VWA8: variants seen among roughly 807,000 people sequenced by gnomAD.
The protein encoded by VWA8 is von Willebrand factor A domain-containing protein 8.
A neutral mutation model predicts 241.5 loss-of-function variants in VWA8; 221 were observed. The ratio of observed to expected loss-of-function variants is 0.91; its 90% CI spans 0.82 to 1.02. VWA8 has a LOEUF of 1.02. VWA8 is among the 50% of genes least tolerant of loss of function. VWA8 has a pLI of 0.00. For synonymous variants in VWA8, 852 were observed against 827.1 expected (o/e 1.03, Z -0.52); for missense variants, 2,322 against 2,328.7 (o/e 1.00, Z 0.06).
chr13:41,926,906 G>A, intron 2 of VWA8: 1 of 571,768 alleles, frequency 1.7e-6, no homozygotes, highest in Non-Finnish European at 3.5e-6. Context: ...CCACAGCCAG[G>A]CTCCTTGACA....
intron 43 of VWA8, among the ~76,000 whole-genome samples, chr13:41,573,486 A>AAATAAATAAATAAATAAATAAATATATAT: frequency 1.8e-5 from 2 of 113,614 alleles, no homozygotes; most frequent in African/African-American, 6.9e-5. Flanking sequence ...AAAAAAAAAA[A>AAATAAATAAATAAATAAATAAATATATAT]ATATATATAT....
Position 41,945,173 on chromosome 13 carries a change from T to C in VWA8, c.241+4763A>G, listed in dbSNP as rs74701420. ...CTCTCAGCAAAAGCCAAGAGACTTATTGATTCAAGGCATTAAAGAAATCTC... is the reference window on the plus strand; with the variant it reads ...CTCTCAGCAAAAGCCAAGAGACTTACTGATTCAAGGCATTAAAGAAATCTC... On this transcript the variant is annotated intron_variant, in intron 2 of 44. Transcript: ENST00000379310. Among the ~76,000 whole-genome samples, 663 of 152,240 alleles carry C rather than the reference T, an allele frequency of 4.4e-3. 3 individuals carry two copies. The highest frequency in any genetic ancestry group is 0.013 in the South Asian group (65 of 4,820).
intron 39 of VWA8, among the ~76,000 whole-genome samples, chr13:41,610,775 G>T (rs1465126139): frequency 6.6e-6 from 1 of 152,194 alleles, no homozygotes; most frequent in South Asian, 2.1e-4. Flanking sequence ...TGGTTCTTTG[G>T]TATTTTTCAC....
chr13:41,781,326 A>C (rs1868876214), intron 19 of VWA8, among the ~76,000 whole-genome samples: 1 of 152,130 alleles, frequency 6.6e-6, no homozygotes, highest in Non-Finnish European at 1.5e-5. Context: ...CTATTGTCTC[A>C]TATAACTAAG....
chr13:41,719,655 TAATC>T lies in VWA8; in HGVS notation c.3048_3051del (p.Ile1017ThrfsTer23), dbSNP rs776050399. ...GGTATCCCGTATTTGTGTAAAGTGT[TAATC>T]AATATCTCCCTCATGTCATTGTTGT... On this transcript the variant is annotated frameshift_variant, in exon 26 of 45. Coordinates refer to ENST00000379310, the MANE Select transcript of VWA8 (RefSeq NM_015058.2). LOFTEE classifies it high-confidence loss of function. 28 of 1,613,324 alleles carry T rather than the reference TAATC, an allele frequency of 1.7e-5. No homozygotes were observed. The highest frequency in any genetic ancestry group is 2.2e-5 in the Non-Finnish European group (26 of 1,179,492).
chr13:41,692,247 T>C (rs536436552), intron 30 of VWA8, among the ~76,000 whole-genome samples: 4 of 152,150 alleles, frequency 2.6e-5, no homozygotes, highest in East Asian at 1.9e-4. Flanking sequence ...AATAAACACA[T>C]GGGAAACACT....
chr13:41,790,765 T>A (rs1251061543), intron 17 of VWA8, among the ~76,000 whole-genome samples: 2 of 151,994 alleles, frequency 1.3e-5, no homozygotes, highest in East Asian at 3.8e-4. Flanking sequence ...TTCTTCCCTG[T>A]AGTTCCTCAG....
chr13:41,863,399 G>A (rs1223810623), intron 12 of VWA8, among the ~76,000 whole-genome samples: 49 of 20,514 alleles, frequency 2.4e-3, no homozygotes, highest in Non-Finnish European at 4.5e-3. Flanking sequence ...TCCTATTTGT[G>A]TGTGTGTGTG....
chr13:41,954,971 C>CT (rs1213174678), intron 1 of VWA8, among the ~76,000 whole-genome samples: 2 of 152,110 alleles, frequency 1.3e-5, no homozygotes, highest in Non-Finnish European at 2.9e-5. Flanking sequence ...CTACAGGACT[C>CT]TTTTTTTCTT....
intron 42 of VWA8, among the ~76,000 whole-genome samples, chr13:41,584,471 A>G (rs2044404063): frequency 1.3e-5 from 2 of 152,080 alleles, no homozygotes; most frequent in Admixed American, 1.3e-4. Context: ...CCAGACACTC[A>G]CCCAGGTATC....
chr13:41,767,251 T>C (rs999707083), intron 20 of VWA8, among the ~76,000 whole-genome samples: 3 of 152,152 alleles, frequency 2.0e-5, no homozygotes, highest in Non-Finnish European at 2.9e-5. Flanking sequence ...AAACCAATAT[T>C]ATGGTAAATC....
At chr13:41,660,710 C>G (rs1216239668) in intron 37 of VWA8, among the ~76,000 whole-genome samples, 1 of 152,156 alleles carries the variant, frequency 6.6e-6, no homozygotes, top group Non-Finnish European at 1.5e-5. Context: ...GTTTTTACCC[C>G]TTTCCTGACA....
At chr13:41,864,361 T>C (rs1873189865) in intron 12 of VWA8, among the ~76,000 whole-genome samples, 1 of 152,140 alleles carries the variant, frequency 6.6e-6, no homozygotes, top group Non-Finnish European at 1.5e-5. Context: ...CATACTTGTA[T>C]ACCACTGTTC....
chr13:41,755,913 T>G (rs2045691573), intron 21 of VWA8, among the ~76,000 whole-genome samples: 1 of 151,678 alleles, frequency 6.6e-6, no homozygotes, highest in South Asian at 2.1e-4. Context: ...CATCAAAAAG[T>G]TTTTTAAAAG....
At chr13:41,780,511 C>T (rs1381334075) in intron 19 of VWA8, among the ~76,000 whole-genome samples, 1 of 152,134 alleles carries the variant, frequency 6.6e-6, no homozygotes, top group Non-Finnish European at 1.5e-5. Flanking sequence ...CCTCTCTTAT[C>T]AACATCCAAC....
chr13:41,816,664 A>C, intron 16 of VWA8, 34 bp downstream of exon 16: 1 of 1,570,690 alleles, frequency 6.4e-7, no homozygotes. Context: ...GCATGTCAAC[A>C]ATAGAAAATC....
At chr13:41,776,643 T>C (rs1339659588) in intron 20 of VWA8, among the ~76,000 whole-genome samples, 1 of 152,220 alleles carries the variant, frequency 6.6e-6, no homozygotes, top group Non-Finnish European at 1.5e-5. Context: ...CTGAGCACTG[T>C]GTGAAGCACT....
chr13:41,867,604 T>C (rs940715682), intron 10 of VWA8, among the ~76,000 whole-genome samples: 1 of 152,226 alleles, frequency 6.6e-6, no homozygotes, highest in Non-Finnish European at 1.5e-5. Context: ...CAGTAAATAG[T>C]ACACAGTAAA....
At chr13:41,818,844 C>A (rs111261941) in intron 15 of VWA8, among the ~76,000 whole-genome samples, 5 of 152,198 alleles carry the variant, frequency 3.3e-5, no homozygotes, top group South Asian at 2.1e-4. Flanking sequence ...AAAAAGGATT[C>A]GAAAATGGCC....
Sources: allele counts gnomAD v4.1 joint callset (sites outside exome capture counted in the v4.1 genomes callset), GRCh38; gene constraint gnomAD v4.1.1; transcripts MANE v1.5; gene names NCBI Gene and HGNC (gene_info 2026-07-23, HGNC 2026-07-21).